Variants in FRMD5 observed in about 807,000 individuals in gnomAD.
The protein encoded by FRMD5 is FERM domain containing 5.
In FRMD5, 20 loss-of-function variants were observed where a neutral mutation model predicts 69.0. That is an observed-to-expected ratio of 0.29 (90% CI 0.20 to 0.42). The LOEUF (loss-of-function observed/expected upper bound fraction) is 0.42, where lower values mean the gene tolerates loss of function less well. Among genes scored for constraint, FRMD5 ranks in the 10% least tolerant of loss-of-function variants. The pLI is 1.00. For missense variants in FRMD5, 595 were observed against 708.6 expected, an observed-to-expected ratio of 0.84 and a Z score of 1.82; for synonymous variants, 271 against 260.1, an observed-to-expected ratio of 1.04 and a Z score of -0.40.
intron 3 of FRMD5, 110 bp downstream of exon 3, chr15:43,919,657 C>T: frequency 4.1e-6 from 6 of 1,447,410 alleles, no homozygotes; most frequent in Non-Finnish European, 5.8e-6. Flanking sequence ...CCAACTTATA[C>T]TCAGAACAGT....
At chr15:44,057,135 C>CT (rs1420540211) in intron 1 of FRMD5, among the ~76,000 whole-genome samples, 1 of 57,330 alleles carries the variant, frequency 1.7e-5, no homozygotes, top group African/African-American at 4.6e-5. Context: ...ATGAACTGTT[C>CT]TATTTTTTTT....
Position 44,195,232 on chromosome 15 carries a change from G to A in FRMD5, c.-178C>T. On this transcript the variant is annotated 5_prime_UTR_variant, in exon 1 of 14. Coordinates refer to ENST00000417257, the MANE Select transcript of FRMD5 (RefSeq NM_032892.5). ...CCTTATCCTCCTCCTTCCCTCAGCC[G>A]CCACCGCCTCCCCCCAGCCCAGATC... 3 of 542,366 alleles carry A rather than the reference G, an allele frequency of 5.5e-6. No homozygotes were observed. The highest frequency in any genetic ancestry group is 9.6e-6 in the Non-Finnish European group (3 of 311,414). 33.6% of individuals were successfully genotyped at this position (542,366 alleles called of 1,614,324 possible).
At chr15:44,061,070 C>T (rs572426026) in intron 1 of FRMD5, among the ~76,000 whole-genome samples, 1 of 152,284 alleles carries the variant, frequency 6.6e-6, no homozygotes, top group African/African-American at 2.4e-5. Context: ...TTTTGATTAG[C>T]TCAGAAGAGT....
At chr15:44,123,551 T>C (rs1208648123) in intron 1 of FRMD5, among the ~76,000 whole-genome samples, 1 of 152,180 alleles carries the variant, frequency 6.6e-6, no homozygotes, top group Non-Finnish European at 1.5e-5. Flanking sequence ...GCTTGTTTCA[T>C]ATACCTATGT....
chr15:43,888,324 T>C, intron 9 of FRMD5, 58 bp from the exon 10 acceptor site: 2 of 1,235,186 alleles, frequency 1.6e-6, no homozygotes, highest in Non-Finnish European at 2.4e-6. Context: ...AAGGGTGAAG[T>C]AGGCGAGGAC....
chr15:44,012,978 C>G (rs1234285152), intron 1 of FRMD5, among the ~76,000 whole-genome samples: 1 of 152,064 alleles, frequency 6.6e-6, no homozygotes, highest in African/African-American at 2.4e-5. Flanking sequence ...GTTGGTCAGG[C>G]TGGTCTCGAA....
At chr15:44,108,371 G>A (rs993010231) in intron 1 of FRMD5, among the ~76,000 whole-genome samples, 7 of 152,144 alleles carry the variant, frequency 4.6e-5, no homozygotes, top group African/African-American at 9.7e-5. Flanking sequence ...AAGGCCAGGC[G>A]CGGTGGCTCA....
chr15:43,883,874 A>T, intron 12 of FRMD5, 65 bp from the exon 13 acceptor site: 1 of 1,160,152 alleles, frequency 8.6e-7, no homozygotes, highest in Non-Finnish European at 1.3e-6. Flanking sequence ...GCACTTAAGA[A>T]TTGAGTACTG....
Position 43,999,953 on chromosome 15 carries a change from CATAT to C in FRMD5, c.103-75648_103-75645del, listed in dbSNP as rs34872140. Reference sequence around the variant, plus strand: ...TATATATATATATATATATGCCATGCATATATATATATATATATATATATATATA... The same window carrying C: ...TATATATATATATATATATGCCATGCATATATATATATATATATATATATA... On this transcript the variant is annotated intron_variant, in intron 1 of 13. Transcript: ENST00000417257. Among the ~76,000 whole-genome samples, 33 of 82,898 alleles carry C rather than the reference CATAT, an allele frequency of 4.0e-4. 1 individual carries two copies. Among genetic ancestry groups the C allele is most frequent in the African/African-American group, 1.9e-3 (29 of 15,642 alleles). The allele number at this position is 82,898 out of a possible 152,430, so 54.4% of individuals were successfully genotyped here.
chr15:44,178,940 C>A (rs2077949248), intron 1 of FRMD5, among the ~76,000 whole-genome samples: 1 of 151,902 alleles, frequency 6.6e-6, no homozygotes, highest in Non-Finnish European at 1.5e-5. Flanking sequence ...TGCAGTGAGC[C>A]AAGATTGCAC....
intron 1 of FRMD5, among the ~76,000 whole-genome samples, chr15:44,087,417 T>G (rs1894244329): frequency 6.6e-6 from 1 of 152,300 alleles, no homozygotes; most frequent in Non-Finnish European, 1.5e-5. Context: ...ACATATGCAA[T>G]GAATTCAGAG....
chr15:44,042,584 T>A, intron 1 of FRMD5, among the ~76,000 whole-genome samples: 1 of 152,156 alleles, frequency 6.6e-6, no homozygotes. Flanking sequence ...TCCACCACGA[T>A]CAAGTCAGCT....
At chr15:43,984,314 C>T (rs1215206425) in intron 1 of FRMD5, among the ~76,000 whole-genome samples, 1 of 152,150 alleles carries the variant, frequency 6.6e-6, no homozygotes, top group East Asian at 1.9e-4. Context: ...TACCCAAACC[C>T]GCATCCCCAT....
chr15:44,111,267 T>C (rs1366642518), intron 1 of FRMD5, among the ~76,000 whole-genome samples: 1 of 152,218 alleles, frequency 6.6e-6, no homozygotes, highest in African/African-American at 2.4e-5. Context: ...GCTTAGCTAA[T>C]TTTTTCTTGA....
chr15:44,180,711 G>A (rs983847118), intron 1 of FRMD5, among the ~76,000 whole-genome samples: 2 of 152,060 alleles, frequency 1.3e-5, no homozygotes, highest in African/African-American at 4.8e-5. Flanking sequence ...CTTGAACCTG[G>A]GAGGCAGAAG....
At chr15:44,082,102 A>T (rs2140450153) in intron 1 of FRMD5, among the ~76,000 whole-genome samples, 1 of 152,106 alleles carries the variant, frequency 6.6e-6, no homozygotes, top group East Asian at 1.9e-4. Context: ...ATAAATACCA[A>T]AATTCTTATG....
At chr15:44,010,202 T>C (rs1181621273) in intron 1 of FRMD5, among the ~76,000 whole-genome samples, 1 of 152,158 alleles carries the variant, frequency 6.6e-6, no homozygotes, top group African/African-American at 2.4e-5. Flanking sequence ...GGCTTGGCAA[T>C]GAATTACCAG....
intron 1 of FRMD5, among the ~76,000 whole-genome samples, chr15:44,027,097 C>G (rs1040660710): frequency 6.6e-6 from 1 of 152,224 alleles, no homozygotes; most frequent in African/African-American, 2.4e-5. Flanking sequence ...TGTTCACAAA[C>G]TGTGGACAAT....
rs116961834 is a variant in FRMD5 at position 43,959,921 on chromosome 15, G to T, written c.103-35612C>A. Among the ~76,000 whole-genome samples the T allele has an allele frequency of 3.5e-3, 528 of 152,260 alleles. 19 individuals are homozygous for T. In the East Asian group the frequency reaches 0.083, roughly 24 times the overall value. On this transcript the variant is annotated intron_variant, in intron 1 of 13. Transcript: ENST00000417257. ...ATTTTCTCAGTAAAATGATGATGAT[G>T]ATGATAATTTTTTGAGACGGAGTTT...
Sources: allele counts gnomAD v4.1 joint callset (sites outside exome capture counted in the v4.1 genomes callset), GRCh38; gene constraint gnomAD v4.1.1; transcripts MANE v1.5; gene names NCBI Gene and HGNC (gene_info 2026-07-23, HGNC 2026-07-21).